Variants in MKLN1 observed in about 807,000 individuals in gnomAD.
The protein encoded by MKLN1 is muskelin 1.
Under a neutral mutation model 99.0 loss-of-function variants are expected in MKLN1, and 18 were observed. The observed-to-expected ratio is 0.18, with a 90% CI of 0.13 to 0.27. MKLN1 has a LOEUF of 0.27. Ranked by LOEUF, MKLN1 falls within the 10% of genes least tolerant of loss-of-function variation. The pLI is 1.00. For missense variants in MKLN1, 621 were observed against 875.9 expected, an observed-to-expected ratio of 0.71 and a Z score of 3.67; for synonymous variants, 288 against 293.2, an observed-to-expected ratio of 0.98 and a Z score of 0.18.
At chr7:131,139,511 T>G (rs2116253538) in intron 1 of MKLN1, among the ~76,000 whole-genome samples, 1 of 152,304 alleles carries the variant, frequency 6.6e-6, no homozygotes. Flanking sequence ...GCCCCCTGCT[T>G]GGATAGCTGC....
chr7:131,274,577 A>G (rs916940159), intron 3 of MKLN1, among the ~76,000 whole-genome samples: 1 of 151,110 alleles, frequency 6.6e-6, no homozygotes, highest in Non-Finnish European at 1.5e-5. Context: ...CAAGCAGGTC[A>G]AGGCTGCAGT....
chr7:131,401,017 A>T (rs949511923), intron 6 of MKLN1, among the ~76,000 whole-genome samples: 1 of 152,098 alleles, frequency 6.6e-6, no homozygotes, highest in Non-Finnish European at 1.5e-5. Flanking sequence ...TTGTTGGACA[A>T]ATAAGGAAGT....
intron 2 of MKLN1, among the ~76,000 whole-genome samples, chr7:131,145,146 A>G (rs1489081932): frequency 6.6e-6 from 1 of 152,184 alleles, no homozygotes; most frequent in East Asian, 1.9e-4. Context: ...GATGACACAC[A>G]CTAGAAAGAA....
intron 3 of MKLN1, among the ~76,000 whole-genome samples, chr7:131,255,318 G>C (rs1405382257): frequency 6.6e-6 from 1 of 152,024 alleles, no homozygotes. Context: ...TAAACACAAA[G>C]AGAACCATAC....
intron 10 of MKLN1, among the ~76,000 whole-genome samples, chr7:131,439,369 G>A (rs1050808872): frequency 6.6e-6 from 1 of 151,864 alleles, no homozygotes; most frequent in Admixed American, 6.6e-5. Context: ...TGTTTCTCTT[G>A]ACTTTTATAA....
At chr7:131,162,383 T>C (rs1208478279) in intron 2 of MKLN1, among the ~76,000 whole-genome samples, 1 of 152,198 alleles carries the variant, frequency 6.6e-6, no homozygotes, top group African/African-American at 2.4e-5. Context: ...TAAGTACTTA[T>C]GTCTAAATAA....
At chr7:131,446,842 T>G (rs1030534476) in intron 12 of MKLN1, among the ~76,000 whole-genome samples, 3 of 152,128 alleles carry the variant, frequency 2.0e-5, no homozygotes, top group Non-Finnish European at 4.4e-5. Context: ...GAGACGGACA[T>G]GGGAGGATTG....
At chr7:131,310,288 A>C (rs778144773) in intron 3 of MKLN1, 41 of 152,178 alleles carry the variant, frequency 2.7e-4, no homozygotes, top group Admixed American at 2.3e-3. Context: ...TGGATCTGAT[A>C]ATTGGAAAGG....
chr7:131,466,915 ACACACACACGCGCGCGCGCG>A (rs1343238955), intron 15 of MKLN1, among the ~76,000 whole-genome samples: 13 of 150,456 alleles, frequency 8.6e-5, no homozygotes, highest in Non-Finnish European at 1.8e-4. Context: ...ACACACACAC[ACACACACACGCGCGCGCGCG>A]CACACACGCA....
rs35667343 is a variant in MKLN1 at position 131,368,653 on chromosome 7, C to T, written c.99-6771C>T. 8.5e-3 allele frequency among the ~76,000 whole-genome samples: 1,293 copies of T among 152,206 alleles called. 8 individuals carry two copies. The highest frequency in any genetic ancestry group is 0.014 in the Non-Finnish European group (947 of 68,010). Reference sequence around the variant, plus strand: ...AACAGCATGGGGGAAATTCGCCCCCCCATGATCCAATCACCTCCTAACAAG... The same window carrying T: ...AACAGCATGGGGGAAATTCGCCCCCTCATGATCCAATCACCTCCTAACAAG... On this transcript the variant is annotated intron_variant, in intron 1 of 17. Coordinates refer to ENST00000352689, the MANE Select transcript of MKLN1 (RefSeq NM_013255.5).
At position 131,268,511 on chromosome 7, in the gene MKLN1, A is replaced by G. The variant is rs1422269556; in HGVS notation, c.-179+65537A>G. 3.3e-5 allele frequency among the ~76,000 whole-genome samples: 5 copies of G among 152,216 alleles called. No individual in the cohort carries two copies. The East Asian group carries it at 9.6e-4, about 29-fold the overall frequency. ...GTGTGGAATGTGGTGATTTGATTCTATGCAGTAATTCAAGCATATAACCTT... is the reference window on the plus strand; with the variant it reads ...GTGTGGAATGTGGTGATTTGATTCTGTGCAGTAATTCAAGCATATAACCTT... On this transcript the variant is annotated intron_variant, in intron 3 of 7. Coordinates refer to the MKLN1 transcript ENST00000416992.
chr7:131,148,448 GCTTTCTCTCCAT>G (rs1266483620), intron 2 of MKLN1, among the ~76,000 whole-genome samples: 3 of 152,140 alleles, frequency 2.0e-5, no homozygotes, highest in Non-Finnish European at 2.9e-5. Context: ...AAATTGCCCA[GCTTTCTCTCCAT>G]AATAAAAATT....
intron 16 of MKLN1, among the ~76,000 whole-genome samples, chr7:131,472,959 A>G (rs7455149): frequency 3.3e-4 from 50 of 151,486 alleles, no homozygotes; most frequent in Non-Finnish European, 6.9e-4. Context: ...AAAAAAAAAA[A>G]AAAAAAGAAA....
chr7:131,332,355 A>AAT (rs1289537502), intron 1 of MKLN1, among the ~76,000 whole-genome samples: 6 of 148,076 alleles, frequency 4.1e-5, no homozygotes, highest in African/African-American at 9.8e-5. Context: ...AAAATATGTA[A>AAT]ATATATATAT....
At chr7:131,142,808 C>A in intron 1 of MKLN1, 2 of 777,670 alleles carry the variant, frequency 2.6e-6, no homozygotes, top group African/African-American at 1.8e-5. Flanking sequence ...CCCTTGTGGG[C>A]TTCTTTTCCA....
At chr7:131,279,220 A>G (rs542153744) in intron 3 of MKLN1, among the ~76,000 whole-genome samples, 3 of 152,380 alleles carry the variant, frequency 2.0e-5, no homozygotes, top group Admixed American at 6.5e-5. Context: ...GATTAAAGCT[A>G]TGAGAAAACT....
chr7:131,283,609 A>T (rs1798091363), intron 3 of MKLN1, among the ~76,000 whole-genome samples: 1 of 151,232 alleles, frequency 6.6e-6, no homozygotes, highest in Non-Finnish European at 1.5e-5. Context: ...TAATTTTTGT[A>T]TTTTTTGTAG....
At chr7:131,224,002 G>A (rs1797099452) in intron 3 of MKLN1, among the ~76,000 whole-genome samples, 1 of 152,082 alleles carries the variant, frequency 6.6e-6, no homozygotes, top group Admixed American at 6.5e-5. Flanking sequence ...CTGACCTCGT[G>A]ATCTGCCCAC....
At chr7:131,250,302 C>T (rs570731148) in intron 3 of MKLN1, among the ~76,000 whole-genome samples, 3 of 152,108 alleles carry the variant, frequency 2.0e-5, no homozygotes, top group Non-Finnish European at 4.4e-5. Flanking sequence ...ACCCTTCCAT[C>T]GGCCTGAATA....
Sources: gnomAD v4.1 joint callset for allele counts (sites outside exome capture counted in the v4.1 genomes callset) on GRCh38, gnomAD v4.1.1 for gene constraint, MANE v1.5 for transcripts, NCBI Gene and HGNC (gene_info 2026-07-23, HGNC 2026-07-21) for gene names.